Variants in ADARB1 observed in about 807,000 individuals in gnomAD.
ADARB1 encodes adenosine deaminase RNA specific B1.
Under a neutral mutation model 52.4 loss-of-function variants are expected in ADARB1, and 10 were observed. That is an observed-to-expected ratio of 0.19 (90% CI 0.12 to 0.32). The LOEUF (loss-of-function observed/expected upper bound fraction) is 0.32, where lower values mean the gene tolerates loss of function less well. Among genes scored for constraint, ADARB1 ranks in the 10% least tolerant of loss-of-function variants. The pLI, the probability that ADARB1 is intolerant of heterozygous loss-of-function variation, is 1.00. For synonymous variants in ADARB1, 349 were observed against 371.1 expected (o/e 0.94, Z 0.68); for missense variants, 643 against 922.3 (o/e 0.70, Z 3.92).
At chr21:45,110,669 G>A (rs2087492407) in intron 1 of ADARB1, among the ~76,000 whole-genome samples, 2 of 152,164 alleles carry the variant, frequency 1.3e-5, no homozygotes, top group South Asian at 4.1e-4. Context: ...AGCATTTATG[G>A]CTCTTTAAAT....
At chr21:45,216,739 T>G (rs2092870125) in intron 9 of ADARB1, among the ~76,000 whole-genome samples, 1 of 152,090 alleles carries the variant, frequency 6.6e-6, no homozygotes, top group Admixed American at 6.5e-5. Context: ...TTATACTATT[T>G]ATTTTCTTTT....
intron 2 of ADARB1, among the ~76,000 whole-genome samples, chr21:45,154,487 A>G (rs1458615167): frequency 6.6e-6 from 1 of 152,244 alleles, no homozygotes; most frequent in African/African-American, 2.4e-5. Flanking sequence ...GGTACTGTAA[A>G]TCATGTGTAT....
chr21:45,178,720 G>C (rs1299886322), intron 4 of ADARB1, among the ~76,000 whole-genome samples: 2 of 152,138 alleles, frequency 1.3e-5, no homozygotes, highest in Non-Finnish European at 2.9e-5. Flanking sequence ...GTGCTGCCTG[G>C]GACTGTGTGG....
At chr21:45,193,610 G>A (rs938348126) in intron 8 of ADARB1, among the ~76,000 whole-genome samples, 8 of 152,206 alleles carry the variant, frequency 5.3e-5, no homozygotes, top group Admixed American at 4.6e-4. Flanking sequence ...TTTATTTGCA[G>A]ACATACTTAT....
chr21:45,092,923 A>G (rs1327146340), intron 1 of ADARB1, among the ~76,000 whole-genome samples: 3 of 152,066 alleles, frequency 2.0e-5, no homozygotes, highest in African/African-American at 7.2e-5. Flanking sequence ...GATGGAGCCC[A>G]AGTCTTAAAG....
chr21:45,216,494 G>A (rs2092865810), intron 9 of ADARB1, among the ~76,000 whole-genome samples: 1 of 151,886 alleles, frequency 6.6e-6, no homozygotes, highest in Non-Finnish European at 1.5e-5. Flanking sequence ...TGTCCCTTGG[G>A]TTATTTAGAA....
intron 1 of ADARB1, among the ~76,000 whole-genome samples, chr21:45,081,735 G>A (rs534868034): frequency 6.6e-6 from 1 of 152,318 alleles, no homozygotes; most frequent in South Asian, 2.1e-4. Flanking sequence ...CTCTGAGTGC[G>A]ATGTGGTACG....
intron 2 of ADARB1, chr21:45,134,779 G>GGCC (rs755035976): frequency 1.9e-6 from 1 of 533,904 alleles, no homozygotes; most frequent in South Asian, 1.4e-5. Context: ...ACCCCCTAGA[G>GGCC]GCCAGGCCCA....
chr21:45,117,301 T>C lies in ADARB1; in HGVS notation c.-219-11101T>C, dbSNP rs565540019. Among the ~76,000 whole-genome samples, 4 of 152,322 alleles carry C rather than the reference T, an allele frequency of 2.6e-5. No homozygotes were observed. The South Asian group carries it at 8.3e-4, about 32-fold the overall frequency. On this transcript the variant is annotated intron_variant, in intron 1 of 10. Coordinates refer to ENST00000348831, the MANE Select transcript of ADARB1 (RefSeq NM_001112.4). ...TGTCCTTGTGAAGTTGGTTTGCTTT[T>C]TGTGCCAGCTTTTTAGGCTTACAAA...
At chr21:45,145,633 T>TC in intron 2 of ADARB1, 1 of 152,330 alleles carries the variant, frequency 6.6e-6, no homozygotes, top group South Asian at 2.1e-4. Context: ...ATAGAATTGA[T>TC]CCTGTGAGGA....
intron 1 of ADARB1, among the ~76,000 whole-genome samples, chr21:45,080,950 T>G (rs2086128760): frequency 6.6e-6 from 1 of 152,240 alleles, no homozygotes; most frequent in Non-Finnish European, 1.5e-5. Flanking sequence ...TAAAATATCT[T>G]AATTGCATGA....
chr21:45,138,727 G>A (rs2089530832), intron 2 of ADARB1, among the ~76,000 whole-genome samples: 1 of 152,174 alleles, frequency 6.6e-6, no homozygotes, highest in Non-Finnish European at 1.5e-5. Context: ...TTCAGGACGA[G>A]CACTGGATCA....
intron 2 of ADARB1, among the ~76,000 whole-genome samples, chr21:45,159,705 C>T (rs1185902078): frequency 6.6e-6 from 1 of 152,148 alleles, no homozygotes; most frequent in African/African-American, 2.4e-5. Flanking sequence ...CCATAGTCCT[C>T]TCCCATTGCC....
intron 1 of ADARB1, 91 bp downstream of exon 1, chr21:45,074,884 G>A (rs956290753): frequency 6.7e-6 from 1 of 150,000 alleles, no homozygotes; most frequent in Non-Finnish European, 1.5e-5. Flanking sequence ...GGCAGGGACT[G>A]GTGGTGGGGC....
Position 45,224,201 on chromosome 21 carries a change from T to C in ADARB1, c.*2004T>C. On this transcript the variant is annotated 3_prime_UTR_variant, in exon 11 of 11. Coordinates refer to ENST00000348831, the MANE Select transcript of ADARB1 (RefSeq NM_001112.4). ...ACTTCGTTTTTAAAAATATGTGGATTTTGGTTACCAAGTTTAGTGTTAATA... is the reference window on the plus strand; with the variant it reads ...ACTTCGTTTTTAAAAATATGTGGATCTTGGTTACCAAGTTTAGTGTTAATA... 2 of 985,418 alleles carry C rather than the reference T, an allele frequency of 2.0e-6. No homozygotes were observed. The highest frequency in any genetic ancestry group is 2.4e-6 in the Non-Finnish European group (2 of 829,940). The allele number at this position is 985,418 out of a possible 1,614,324, so 61.0% of individuals were successfully genotyped here.
chr21:45,106,782 G>T (rs900864125), intron 1 of ADARB1, among the ~76,000 whole-genome samples: 3 of 152,192 alleles, frequency 2.0e-5, no homozygotes, highest in Non-Finnish European at 4.4e-5. Context: ...TCTCTTCTCT[G>T]TGTCAGTTGT....
rs1483379869 is a variant in ADARB1 at position 45,176,710 on chromosome 21, G to A, written c.963+46G>A. ...TTTAAAACACGGGGTCATTGCTCTT[G>A]GTAATGCTTCTAGACAGCATTTTAG... On this transcript the variant is annotated intron_variant, in intron 4 of 10. Coordinates refer to ENST00000348831, the MANE Select transcript of ADARB1 (RefSeq NM_001112.4). This position sits in a 1 kb window ranked among gnomAD's most constrained non-coding sequence, Gnocchi z 5.8. 5 of 1,529,178 alleles carry A rather than the reference G, an allele frequency of 3.3e-6. No homozygotes were observed. Among genetic ancestry groups the A allele is most frequent in the Middle Eastern group, 1.8e-4 (1 of 5,688 alleles). 94.7% of individuals were successfully genotyped at this position (1,529,178 alleles called of 1,614,324 possible). A position where few individuals can be genotyped will look rare whatever the true frequency, so the allele number is the denominator to read the frequency against.
chr21:45,182,875 T>A, intron 6 of ADARB1, 122 bp downstream of exon 6: 2 of 986,220 alleles, frequency 2.0e-6, no homozygotes, highest in Non-Finnish European at 2.9e-6. Flanking sequence ...ATCATAACTT[T>A]AATTAGTAAC....
chr21:45,204,451 C>T lies in ADARB1; in HGVS notation c.1566-104C>T. On this transcript the variant is annotated intron_variant, in intron 8 of 10. Coordinates refer to ENST00000348831, the MANE Select transcript of ADARB1 (RefSeq NM_001112.4). This position sits in a 1 kb window ranked among gnomAD's most constrained non-coding sequence, Gnocchi z 4.4. The stretch of plus-strand genomic sequence containing the variant: ...CACTCCTTCGTCAGTTGGTTGGGAT[C>T]CTGCGGAATTGCCAGTGCATCCCTG... The T allele has an allele frequency of 1.8e-6, 2 of 1,114,604 alleles. No homozygotes were observed. The highest frequency in any genetic ancestry group is 2.1e-5 in the Admixed American group (1 of 46,692). The allele number at this position is 1,114,604 out of a possible 1,614,324, so 69.0% of individuals were successfully genotyped here.
Sources: gnomAD v4.1 joint callset for allele counts (sites outside exome capture counted in the v4.1 genomes callset) on GRCh38, gnomAD v4.1.1 for gene constraint, Gnocchi (gnomAD v3.1) non-coding constraint, MANE v1.5 for transcripts, NCBI Gene and HGNC (gene_info 2026-07-23, HGNC 2026-07-21) for gene names.